GRIK4: variants seen among roughly 807,000 people sequenced by gnomAD.
GRIK4 encodes glutamate receptor ionotropic, kainate 4.
A neutral mutation model predicts 104.9 loss-of-function variants in GRIK4; 40 were observed. The observed-to-expected ratio is 0.38, with a 90% CI of 0.30 to 0.50. The LOEUF (loss-of-function observed/expected upper bound fraction) is 0.50. Ranked by LOEUF, GRIK4 falls within the 20% of genes least tolerant of loss-of-function variation. GRIK4 has a pLI of 0.93. For missense variants in GRIK4, 1,047 were observed against 1,308.1 expected (o/e 0.80, Z 3.08); for synonymous variants, 485 against 524.9 (o/e 0.92, Z 1.04).
chr11:120,863,091 A>T lies in GRIK4; in HGVS notation c.906+971A>T, dbSNP rs552376836. Among the ~76,000 whole-genome samples the T allele has an allele frequency of 3.3e-5, 5 of 152,322 alleles. No homozygotes were observed. The South Asian group carries it at 1.0e-3, about 32-fold the overall frequency. ...AGTTTATATTTTTAACCTCTGTTCC[A>T]CTGTGCATCTCTCTAGGACTGTCAT... On this transcript the variant is annotated intron_variant, in intron 9 of 20. Coordinates refer to ENST00000527524, the MANE Select transcript of GRIK4 (RefSeq NM_014619.5).
intron 1 of GRIK4, among the ~76,000 whole-genome samples, chr11:120,586,440 G>A (rs1236872219): frequency 6.6e-6 from 1 of 152,106 alleles, no homozygotes; most frequent in African/African-American, 2.4e-5. Context: ...TTTAGGGAGA[G>A]CAGTTTGGAC....
chr11:120,931,855 C>T (rs1943487981), intron 13 of GRIK4, among the ~76,000 whole-genome samples: 1 of 152,200 alleles, frequency 6.6e-6, no homozygotes, highest in Admixed American at 6.5e-5. Flanking sequence ...CCTCTGCTAC[C>T]TGCCTGCCTC....
intron 3 of GRIK4, among the ~76,000 whole-genome samples, chr11:120,747,480 C>A (rs1330106304): frequency 6.6e-6 from 1 of 152,138 alleles, no homozygotes; most frequent in Non-Finnish European, 1.5e-5. Flanking sequence ...TGGAAAAAGT[C>A]CAAAACCCCA....
At chr11:120,898,363 C>T (rs955216595) in intron 11 of GRIK4, among the ~76,000 whole-genome samples, 169 bp from the exon 12 acceptor site, 1 of 151,424 alleles carries the variant, frequency 6.6e-6, no homozygotes, top group Non-Finnish European at 1.5e-5. Context: ...TTCCCTCAGC[C>T]CCCCAACCCT....
intron 3 of GRIK4, among the ~76,000 whole-genome samples, chr11:120,661,308 G>A (rs1591779695): frequency 6.6e-6 from 1 of 152,300 alleles, no homozygotes; most frequent in East Asian, 1.9e-4. Flanking sequence ...AGAAAGGTAG[G>A]TTGATGGCCA....
chr11:120,519,784 T>C (rs979290901), intron 1 of GRIK4, among the ~76,000 whole-genome samples: 3 of 152,108 alleles, frequency 2.0e-5, no homozygotes, highest in Non-Finnish European at 4.4e-5. Flanking sequence ...GCATGCATGC[T>C]TGTGGGTGCA....
chr11:120,809,961 A>G (rs868079703), intron 4 of GRIK4, among the ~76,000 whole-genome samples: 89 of 152,330 alleles, frequency 5.8e-4, no homozygotes, highest in African/African-American at 1.9e-3. Flanking sequence ...GCTACTCAGG[A>G]GGCTGAGGCA....
intron 8 of GRIK4, among the ~76,000 whole-genome samples, chr11:120,852,547 G>T (rs1422049515): frequency 6.6e-6 from 1 of 152,204 alleles, no homozygotes; most frequent in African/African-American, 2.4e-5. Flanking sequence ...TGGGGTAAAT[G>T]AATAGGAAAC....
chr11:120,957,591 A>ATGTGTGTGTGTGTGTGTGTGTGTGTGTG lies in GRIK4; in HGVS notation c.1874+646_1874+673dup, dbSNP rs72064502. Among the ~76,000 whole-genome samples, 228 of 136,512 alleles carry ATGTGTGTGTGTGTGTGTGTGTGTGTGTG rather than the reference A, an allele frequency of 1.7e-3. 2 individuals carry two copies. The highest frequency in any genetic ancestry group is 3.6e-3 in the Middle Eastern group (1 of 276). The allele number at this position is 136,512 out of a possible 152,430, so 89.6% of individuals were successfully genotyped here. A position where few individuals can be genotyped will look rare whatever the true frequency, so the allele number is the denominator to read the frequency against. On this transcript the variant is annotated intron_variant, in intron 16 of 20. Transcript: ENST00000527524. ...TGGGGGCAAAGGAAAGACAAAACAA[A>ATGTGTGTGTGTGTGTGTGTGTGTGTGTG]TGTGTGTGTGTGTGTGTGTGTGTGT...
intron 9 of GRIK4, among the ~76,000 whole-genome samples, chr11:120,867,462 C>T (rs1033498522): frequency 6.6e-6 from 1 of 152,172 alleles, no homozygotes; most frequent in African/African-American, 2.4e-5. Flanking sequence ...CTTCTTTACC[C>T]TTTTCTCCGT....
chr11:120,783,637 A>G (rs1176742646), intron 3 of GRIK4, among the ~76,000 whole-genome samples: 1 of 152,124 alleles, frequency 6.6e-6, no homozygotes, highest in Non-Finnish European at 1.5e-5. Context: ...GGCATATGGC[A>G]TCGGAATAGG....
intron 1 of GRIK4, among the ~76,000 whole-genome samples, chr11:120,632,952 G>A (rs1409520967): frequency 6.6e-6 from 1 of 152,062 alleles, no homozygotes; most frequent in East Asian, 1.9e-4. Flanking sequence ...TCACAAATAA[G>A]CCATGAGATG....
At chr11:120,778,648 C>G (rs539253964) in intron 3 of GRIK4, among the ~76,000 whole-genome samples, 2 of 151,558 alleles carry the variant, frequency 1.3e-5, no homozygotes, top group South Asian at 4.2e-4. Flanking sequence ...GGTAGATTAC[C>G]CAGTTCTGGA....
At chr11:120,645,377 G>A (rs1949529479) in intron 1 of GRIK4, among the ~76,000 whole-genome samples, 1 of 152,180 alleles carries the variant, frequency 6.6e-6, no homozygotes, top group Non-Finnish European at 1.5e-5. Flanking sequence ...TGTCATATTA[G>A]TTTTCCTTTC....
At chr11:120,641,724 G>A (rs997650033) in intron 1 of GRIK4, among the ~76,000 whole-genome samples, 7 of 152,222 alleles carry the variant, frequency 4.6e-5, no homozygotes, top group Middle Eastern at 3.4e-3. Flanking sequence ...TGGCCAGCTC[G>A]TTTACCACAC....
chr11:120,834,048 A>T (rs143083221), intron 7 of GRIK4, among the ~76,000 whole-genome samples: 104 of 152,328 alleles, frequency 6.8e-4, no homozygotes, highest in African/African-American at 2.5e-3. Flanking sequence ...ATCTTTGTAC[A>T]TAAATCTTTA....
At chr11:120,522,689 T>A (rs982338961) in intron 1 of GRIK4, among the ~76,000 whole-genome samples, 1 of 152,172 alleles carries the variant, frequency 6.6e-6, no homozygotes, top group Non-Finnish European at 1.5e-5. Flanking sequence ...AGCTACCTAA[T>A]GAACAAGAAG....
chr11:120,928,563 G>T (rs1943404919), intron 13 of GRIK4, among the ~76,000 whole-genome samples: 1 of 152,126 alleles, frequency 6.6e-6, no homozygotes, highest in African/African-American at 2.4e-5. Flanking sequence ...AGAGGGTCAA[G>T]GGTAAATAGT....
At chr11:120,855,828 G>A (rs551370396) in intron 8 of GRIK4, among the ~76,000 whole-genome samples, 2 of 152,350 alleles carry the variant, frequency 1.3e-5, no homozygotes, top group East Asian at 3.9e-4. Context: ...CTCGCAAAAT[G>A]CTGGGATTAT....
Sources: gnomAD v4.1 joint callset for allele counts (sites outside exome capture counted in the v4.1 genomes callset) on GRCh38, gnomAD v4.1.1 for gene constraint, MANE v1.5 for transcripts, NCBI Gene and HGNC (gene_info 2026-07-23, HGNC 2026-07-21) for gene names.